Variants in PGM3 observed in about 807,000 individuals in gnomAD.
PGM3 encodes the protein phosphoacetylglucosamine mutase.
In PGM3, 40 loss-of-function variants were observed where a neutral mutation model predicts 66.2. The ratio of observed to expected loss-of-function variants is 0.60; its 90% CI spans 0.47 to 0.79. The LOEUF (loss-of-function observed/expected upper bound fraction) is 0.79. PGM3 is among the 30% of genes least tolerant of loss of function. The probability of loss-of-function intolerance (pLI) is 0.00; values close to 1 mark genes in which losing one functional copy is unlikely to be tolerated. For missense variants in PGM3, 537 were observed against 643.4 expected (o/e 0.83, Z 1.79); for synonymous variants, 191 against 224.2 (o/e 0.85, Z 1.32).
chr6:83,163,202 A>G (rs1784643884), downstream of PGM3, among the ~76,000 whole-genome samples: 2 of 152,302 alleles, frequency 1.3e-5, no homozygotes, highest in African/African-American at 2.4e-5. Flanking sequence ...TTTTCCCCTC[A>G]AAAAAGAAAA....
At chr6:83,185,892 G>A (rs565219955) in intron 4 of PGM3, among the ~76,000 whole-genome samples, 16 of 152,330 alleles carry the variant, frequency 1.1e-4, no homozygotes, top group African/African-American at 3.9e-4. Context: ...CTCCCTGAAA[G>A]AGACAGAAGA....
chr6:83,176,775 A>T (rs1190168383), intron 8 of PGM3, among the ~76,000 whole-genome samples: 1 of 152,244 alleles, frequency 6.6e-6, no homozygotes, highest in African/African-American at 2.4e-5. Context: ...AGGGCTAAAA[A>T]TATTTCATCT....
In PGM3 at chr6:83,167,342, T is replaced by G. The variant is rs1785998738; in HGVS notation, c.*1892A>C. On this transcript the variant is annotated 3_prime_UTR_variant, in exon 13 of 13. Transcript: ENST00000513973. ...GAGGGATCCCTTCCTTTCTCTGTGA[T>G]GCAGTACTGACAGTAATTATTCACT... The G allele has an allele frequency of 2.0e-6, 2 of 985,402 alleles. No individual in the cohort carries two copies. Among genetic ancestry groups the G allele is most frequent in the Non-Finnish European group, 2.4e-6 (2 of 829,990 alleles). 61.0% of individuals were successfully genotyped at this position (985,402 alleles called of 1,614,324 possible).
At chr6:83,159,848 G>A, downstream of PGM3, 1 of 1,614,110 alleles carries the variant, frequency 6.2e-7, no homozygotes, top group Non-Finnish European at 8.5e-7. Flanking sequence ...AGGAGGTAAT[G>A]GCTTCTCTAC....
chr6:83,157,266 G>C (rs765548993), downstream of PGM3: 4 of 1,613,922 alleles, frequency 2.5e-6, 1 homozygote, highest in Non-Finnish European at 3.4e-6. Context: ...TTACTTTTAA[G>C]AATGTCTCCC....
At chr6:83,171,791 G>A in intron 11 of PGM3, 146 bp downstream of exon 11, 1 of 624,328 alleles carries the variant, frequency 1.6e-6, no homozygotes, top group South Asian at 2.3e-5. Context: ...ACTGCGCTTG[G>A]CCCATAAGGC....
chr6:83,164,318 T>A (rs1049331228), downstream of PGM3, among the ~76,000 whole-genome samples: 1 of 151,832 alleles, frequency 6.6e-6, no homozygotes, highest in Non-Finnish European at 1.5e-5. Flanking sequence ...TGAGGATGTA[T>A]GCTGGGTCCT....
intron 1 of PGM3, among the ~76,000 whole-genome samples, chr6:83,192,296 G>A (rs976476247): frequency 2.6e-5 from 4 of 152,168 alleles, no homozygotes; most frequent in Non-Finnish European, 4.4e-5. Flanking sequence ...TCGGCCCTTA[G>A]CCCACTAATA....
intron 1 of PGM3, 30 bp from the exon 2 acceptor site, chr6:83,191,044 A>G (rs1277810664): frequency 6.3e-7 from 1 of 1,587,848 alleles, no homozygotes; most frequent in African/African-American, 1.3e-5. Context: ...TGTTTCGGGC[A>G]TAACAAGTAA....
the PGM3 span, chr6:83,152,398 C>G: frequency 9.9e-7 from 1 of 1,008,406 alleles, no homozygotes; most frequent in African/African-American, 1.7e-5. Context: ...CATGAACTCT[C>G]AAGTAGACTG....
chr6:83,180,468 T>A (rs919537386), intron 6 of PGM3, among the ~76,000 whole-genome samples: 2 of 152,192 alleles, frequency 1.3e-5, no homozygotes, highest in Non-Finnish European at 2.9e-5. Context: ...TTACATAAAG[T>A]TGCTGAAATC....
chr6:83,172,176 G>A, intron 10 of PGM3, 117 bp from the exon 11 acceptor site: 7 of 969,532 alleles, frequency 7.2e-6, no homozygotes, highest in East Asian at 2.6e-5. Flanking sequence ...TCTGAAACAT[G>A]CTGAGTGCCA....
chr6:83,185,715 A>C (rs1788532801), intron 4 of PGM3, among the ~76,000 whole-genome samples: 1 of 152,090 alleles, frequency 6.6e-6, no homozygotes, highest in South Asian at 2.1e-4. Context: ...GCCAAGATCG[A>C]GCCTCTGCAC....
chr6:83,173,134 G>A (rs1405841954), intron 10 of PGM3, among the ~76,000 whole-genome samples: 1 of 152,166 alleles, frequency 6.6e-6, no homozygotes, highest in Admixed American at 6.5e-5. Flanking sequence ...CAGTGAATCT[G>A]GAACCCAAAA....
chr6:83,186,899 T>C (rs1788622643), intron 4 of PGM3, 109 bp downstream of exon 4: 1 of 587,382 alleles, frequency 1.7e-6, no homozygotes, highest in Non-Finnish European at 3.0e-6. Flanking sequence ...TTTTTAAACA[T>C]TTTTTGTTCA....
chr6:83,181,330 G>A (rs1320772364), intron 6 of PGM3, among the ~76,000 whole-genome samples: 2 of 152,106 alleles, frequency 1.3e-5, no homozygotes, highest in African/African-American at 4.8e-5. Context: ...CAAGCACTGG[G>A]AACAAAGCCT....
Position 83,188,705 on chromosome 6 carries a change from G to C in PGM3, c.298C>G (p.Gln100Glu). 1.2e-6 allele frequency: 2 copies of C among 1,613,750 alleles called. No homozygotes were observed. The highest frequency in any genetic ancestry group is 1.7e-6 in the Non-Finnish European group (2 of 1,179,802). The change falls in exon 3 of 13, where the codon CAA becomes GAA. Residue 100 changes from glutamine to glutamate, a missense_variant. Coordinates refer to ENST00000513973, the MANE Select transcript of PGM3 (RefSeq NM_015599.3). ...HATCLANAEEQDMQRVLIDIS... is the reference protein window; with the variant it reads ...HATCLANAEEEDMQRVLIDIS... Reference sequence around the variant, plus strand: ...TCAATAAGCACTCTCTGCATATCTTGTTCCTCAGCATTTGCTAAACAGGTG... The same window carrying C: ...TCAATAAGCACTCTCTGCATATCTTCTTCCTCAGCATTTGCTAAACAGGTG...
At chr6:83,188,841 G>A in intron 2 of PGM3, 43 bp from the exon 3 acceptor site, 1 of 1,547,314 alleles carries the variant, frequency 6.5e-7, no homozygotes, top group Non-Finnish European at 8.9e-7. Context: ...GCATACTCAT[G>A]AGGCTGAGTT....
chr6:83,177,973 A>G (rs1049526035), intron 8 of PGM3, among the ~76,000 whole-genome samples: 1 of 152,070 alleles, frequency 6.6e-6, no homozygotes, highest in Non-Finnish European at 1.5e-5. Context: ...TTTCCTTACT[A>G]TATTTGGAGT....
Sources: allele counts gnomAD v4.1 joint callset (sites outside exome capture counted in the v4.1 genomes callset), GRCh38; gene constraint gnomAD v4.1.1; transcripts MANE v1.5; gene names NCBI Gene and HGNC (gene_info 2026-07-23, HGNC 2026-07-21).